The following POU2F1 variants were observed in gnomAD, a reference collection of about 807,000 sequenced individuals.
The protein encoded by POU2F1 is POU class 2 homeobox 1.
POU2F1 carries 16 observed loss-of-function variants against 84.9 expected under a neutral mutation model. The observed-to-expected ratio is 0.19, with a 90% CI of 0.13 to 0.29. POU2F1 has a LOEUF of 0.29. Among genes scored for constraint, POU2F1 ranks in the 10% least tolerant of loss-of-function variants. The pLI is 1.00. For synonymous variants in POU2F1, 368 were observed against 368.3 expected (o/e 1.00, Z 0.01); for missense variants, 738 against 942.6 (o/e 0.78, Z 2.84).
chr1:167,392,434 T>C (rs1648490247), intron 9 of POU2F1, among the ~76,000 whole-genome samples: 1 of 152,016 alleles, frequency 6.6e-6, no homozygotes, highest in Non-Finnish European at 1.5e-5. Flanking sequence ...GAAATAAGTA[T>C]AAGGTTAGCA....
intron 1 of POU2F1, among the ~76,000 whole-genome samples, chr1:167,312,225 C>T (rs780852282): frequency 1.5e-4 from 22 of 150,586 alleles, no homozygotes; most frequent in South Asian, 2.1e-4. Context: ...CGTGAGCCAC[C>T]GTGCCCAGCC....
intron 1 of POU2F1, among the ~76,000 whole-genome samples, chr1:167,233,358 C>T (rs1310408727): frequency 6.7e-6 from 1 of 150,230 alleles, no homozygotes; most frequent in African/African-American, 2.5e-5. Flanking sequence ...GGCTGGTCTT[C>T]AACTCCTGGA....
In POU2F1 at chr1:167,277,510, A is replaced by AG. The variant is rs1467708618; in HGVS notation, c.62-54960_62-54959insG. Among the ~76,000 whole-genome samples the AG allele has an allele frequency of 1.2e-4, 18 of 151,982 alleles. No individual in the cohort carries two copies. The South Asian group carries it at 1.7e-3, about 14-fold the overall frequency. On this transcript the variant is annotated intron_variant, in intron 1 of 15. Coordinates refer to ENST00000367866, the MANE Select transcript of POU2F1 (RefSeq NM_002697.4). The stretch of plus-strand genomic sequence containing the variant: ...ATACCTGGCTAATTAAAAAAAAAAA[A>AG]AAAAAATTGCCTAGGCCAGTCTTGA...
intron 1 of POU2F1, among the ~76,000 whole-genome samples, chr1:167,294,172 C>CA (rs60846607): frequency 0.099 from 3,047 of 30,918 alleles, 84 homozygotes; most frequent in South Asian, 0.16. Flanking sequence ...TACTAAAATA[C>CA]AAAAAAAAAA....
At chr1:167,375,302 A>G (rs886192888) in intron 6 of POU2F1, among the ~76,000 whole-genome samples, 19 of 152,216 alleles carry the variant, frequency 1.2e-4, no homozygotes, top group Admixed American at 2.6e-4. Flanking sequence ...TCTTTATACA[A>G]TCTTTATCAA....
Position 167,220,969 on chromosome 1 carries a change from C to T in POU2F1, c.61+11C>T, listed in dbSNP as rs1177821392. ...CGGCAGCAGCAGCAGGTAATCATTACAGCATTTTACATATTCATATTCATA... is the reference window on the plus strand; with the variant it reads ...CGGCAGCAGCAGCAGGTAATCATTATAGCATTTTACATATTCATATTCATA... On this transcript the variant is annotated intron_variant, in intron 1 of 15. Coordinates refer to ENST00000367866, the MANE Select transcript of POU2F1 (RefSeq NM_002697.4). 1 of 1,533,970 alleles carries T rather than the reference C, an allele frequency of 6.5e-7. No homozygotes were observed. Among genetic ancestry groups the T allele is most frequent in the Non-Finnish European group, 8.7e-7 (1 of 1,145,558 alleles).
intron 2 of POU2F1, among the ~76,000 whole-genome samples, chr1:167,361,160 A>G (rs12741333): frequency 0.012 from 1,843 of 152,042 alleles, 14 homozygotes; most frequent in South Asian, 0.026. Flanking sequence ...TCCTATTTAG[A>G]TGCTGTTTAT....
In POU2F1 at chr1:167,235,413, G is replaced by T. The variant is rs569294592; in HGVS notation, c.61+14455G>T. On this transcript the variant is annotated intron_variant, in intron 1 of 15. Coordinates refer to ENST00000367866, the MANE Select transcript of POU2F1 (RefSeq NM_002697.4). Reference sequence around the variant, plus strand: ...GTTCAACATCACAATAGTCTGAGAAGATGAATTAACAATTTATGAGTGTTG... The same window carrying T: ...GTTCAACATCACAATAGTCTGAGAATATGAATTAACAATTTATGAGTGTTG... Among the ~76,000 whole-genome samples, 3 of 152,332 alleles carry T rather than the reference G, an allele frequency of 2.0e-5. No individual in the cohort carries two copies. In the South Asian group the frequency reaches 6.2e-4, roughly 32 times the overall value.
In POU2F1 at chr1:167,415,625, T is replaced by C. The variant is rs778497387; in HGVS notation, c.2116T>C (p.Ser706Pro). ...APLFLNPQNL[S>P]LLTSNPVSLV... ...TCTGTTCCTGAACCCTCAGAACCTC[T>C]CTCTGCTCACCAGCAACCCTGTTAG... The change falls in exon 16 of 16, where the codon TCT (serine) becomes CCT (proline). Residue 706 changes from serine (S) to proline (P), a missense_variant. Coordinates refer to ENST00000367866, the MANE Select transcript of POU2F1 (RefSeq NM_002697.4). 20 of 1,614,054 alleles carry C rather than the reference T, an allele frequency of 1.2e-5. No individual in the cohort carries two copies. The highest frequency in any genetic ancestry group is 1.6e-5 in the Non-Finnish European group (19 of 1,180,032).
At chr1:167,329,317 G>A in intron 1 of POU2F1, 2 of 1,547,616 alleles carry the variant, frequency 1.3e-6, no homozygotes, top group Non-Finnish European at 1.7e-6. Context: ...GTGGGTACCA[G>A]CACAGTTCTT....
At chr1:167,351,519 CAAAAAAAA>C (rs34170498) in intron 2 of POU2F1, among the ~76,000 whole-genome samples, 26 of 45,988 alleles carry the variant, frequency 5.7e-4, no homozygotes, top group African/African-American at 1.6e-3. Context: ...AGCACCATCT[CAAAAAAAA>C]AAAAAAAAAA....
chr1:167,324,564 A>G (rs1656560253), intron 1 of POU2F1, among the ~76,000 whole-genome samples: 1 of 152,172 alleles, frequency 6.6e-6, no homozygotes, highest in South Asian at 2.1e-4. Flanking sequence ...TCAGCCAACC[A>G]ACTACTGATC....
chr1:167,226,907 C>G (rs112757980), intron 1 of POU2F1, among the ~76,000 whole-genome samples: 1 of 152,164 alleles, frequency 6.6e-6, no homozygotes, highest in Non-Finnish European at 1.5e-5. Flanking sequence ...GAAGAATCAG[C>G]AAACCTCTAG....
chr1:167,334,207 C>T (rs747000275), intron 2 of POU2F1, among the ~76,000 whole-genome samples: 14 of 115,918 alleles, frequency 1.2e-4, no homozygotes, highest in Non-Finnish European at 2.1e-4. Context: ...GTTTCCCAGG[C>T]GGGAGTGCAA....
At chr1:167,229,565 GTTAT>G (rs1220873981) in intron 1 of POU2F1, among the ~76,000 whole-genome samples, 1 of 152,182 alleles carries the variant, frequency 6.6e-6, no homozygotes, top group African/African-American at 2.4e-5. Flanking sequence ...GTCTTCTAAG[GTTAT>G]TTCCTTCAAC....
intron 2 of POU2F1, chr1:167,338,275 TCA>T (rs756045015): frequency 3.1e-5 from 14 of 457,188 alleles, no homozygotes; most frequent in South Asian, 2.2e-4. Flanking sequence ...ATATTTTCTC[TCA>T]CTTAGGATTT....
At chr1:167,340,628 C>T (rs1657785894) in intron 2 of POU2F1, among the ~76,000 whole-genome samples, 1 of 151,742 alleles carries the variant, frequency 6.6e-6, no homozygotes. Flanking sequence ...AACTGGGTTT[C>T]ACCATGTTGC....
chr1:167,399,424 G>C, intron 12 of POU2F1, 59 bp downstream of exon 12: 9 of 1,407,826 alleles, frequency 6.4e-6, no homozygotes, highest in Non-Finnish European at 8.8e-6. Context: ...TTTTACAAAT[G>C]ACCTGTTAAA....
intron 2 of POU2F1, among the ~76,000 whole-genome samples, chr1:167,332,978 A>G (rs1178905224): frequency 6.6e-6 from 1 of 152,228 alleles, no homozygotes; most frequent in African/African-American, 2.4e-5. Context: ...CTACACAGTA[A>G]CTATTCAGTA....
Sources: allele counts gnomAD v4.1 joint callset (sites outside exome capture counted in the v4.1 genomes callset), GRCh38; gene constraint gnomAD v4.1.1; transcripts MANE v1.5; gene names NCBI Gene and HGNC (gene_info 2026-07-23, HGNC 2026-07-21).